Variants in TTN observed in about 807,000 individuals in gnomAD.
The protein encoded by TTN is titin.
Under a neutral mutation model 3,223.0 loss-of-function variants are expected in TTN, and 1,525 were observed. The ratio of observed to expected loss-of-function variants is 0.47; its 90% CI spans 0.45 to 0.49. The LOEUF is 0.49. Ranked by LOEUF, TTN falls within the 20% of genes least tolerant of loss-of-function variation. The pLI, the probability that TTN is intolerant of heterozygous loss-of-function variation, is 0.00. For synonymous variants in TTN, 14,094 were observed against 15,161.0 expected, an observed-to-expected ratio of 0.93 and a Z score of 5.17; for missense variants, 40,786 against 43,424.0, an observed-to-expected ratio of 0.94 and a Z score of 5.40.
chr2:178,597,366 G>A (rs1159700941), intron 294 of TTN, among the ~76,000 whole-genome samples, 172 bp downstream of exon 294: 1 of 151,948 alleles, frequency 6.6e-6, no homozygotes, highest in Non-Finnish European at 1.5e-5. Flanking sequence ...AATACACATA[G>A]AATAAAAAAG....
intron 316 of TTN, 103 bp downstream of exon 316, chr2:178,581,396 C>G: frequency 9.8e-7 from 1 of 1,025,578 alleles, no homozygotes; most frequent in East Asian, 2.7e-5. Context: ...GTTACCAGCT[C>G]TACACCTTGT....
Position 178,598,067 on chromosome 2 carries a change from A to T in TTN, c.57112-9T>A, listed in dbSNP as rs780732560. On this transcript the variant is annotated splice_polypyrimidine_tract_variant and intron_variant, in intron 292 of 362. Transcript: ENST00000589042. ...ACTTCTTTATCTTTACCCTGGGGAG[A>T]AATCATAGACATTTTATAATTAGAA... The T allele has an allele frequency of 1.9e-6, 3 of 1,609,136 alleles. No individual in the cohort carries two copies. In the Admixed American group the frequency reaches 5.1e-5, roughly 27 times the overall value.
chr2:178,689,364 A>C lies in TTN; in HGVS notation c.31937T>G (p.Ile10646Arg), dbSNP rs1402657320. The part of the protein sequence containing the change: ...EESPPPAVPE[I>R]PKKKVPEERK... ...TTCTTCAGGAACTTTCTTCTTTGGT[A>C]TTTCTGGCACTTAAAGGATAGTATT... Residue 10646 changes from isoleucine to arginine, a missense_variant, in exon 124 of 363, where the codon ATA becomes AGA. Coordinates refer to ENST00000589042, the MANE Select transcript of TTN (RefSeq NM_001267550.2). 6.2e-7 allele frequency: 1 copy of C among 1,613,692 alleles called. No individual in the cohort carries two copies. Among genetic ancestry groups the C allele is most frequent in the Non-Finnish European group, 8.5e-7 (1 of 1,179,816 alleles).
Position 178,625,412 on chromosome 2 carries a change from A to G in TTN, c.44425-16T>C, listed in dbSNP as rs2058878823. 6.5e-7 allele frequency: 1 copy of G among 1,541,876 alleles called. No homozygotes were observed. The highest frequency in any genetic ancestry group is 1.4e-5 in the African/African-American group (1 of 70,424). On this transcript the variant is annotated splice_polypyrimidine_tract_variant and intron_variant, in intron 240 of 362. Coordinates refer to ENST00000589042, the MANE Select transcript of TTN (RefSeq NM_001267550.2). ...GTGGGACCACCTAGTTGTTTTTAAA[A>G]AAAGAATACATGAAACAGCAATCTA... is the stretch of plus-strand genomic sequence containing the variant.
In TTN at chr2:178,620,474, G is replaced by A. The variant is rs762831355; in HGVS notation, c.46047C>T (p.Tyr15349=). 15 of 1,612,262 alleles carry A rather than the reference G, an allele frequency of 9.3e-6. No individual in the cohort carries two copies. In the East Asian group the frequency reaches 3.4e-4, roughly 36 times the overall value. Reference sequence around the variant, plus strand: ...ACATGTGCTTGTACTTATCAACTCTGTATGAGACACGGTTGTCAAAAGGCA... The same window carrying A: ...ACATGTGCTTGTACTTATCAACTCTATATGAGACACGGTTGTCAAAAGGCA... The part of the protein sequence containing the change: ...EEVPFDNRVS[Y]RVDKYKHMLT... Residue 15349 remains tyrosine (Y), a synonymous_variant, in exon 248 of 363, where the codon TAC becomes TAT. Coordinates refer to ENST00000589042, the MANE Select transcript of TTN (RefSeq NM_001267550.2).
chr2:178,640,017 T>C, intron 222 of TTN, 31 bp downstream of exon 222: 1 of 1,609,588 alleles, frequency 6.2e-7, no homozygotes, highest in Non-Finnish European at 8.5e-7. Context: ...AGAAAGAATA[T>C]GCTGTTGACA....
At position 178,770,641 on chromosome 2, in the gene TTN, T is replaced by C; in HGVS notation, c.8151A>G (p.Thr2717=). The C allele has an allele frequency of 3.1e-6, 5 of 1,613,856 alleles. No individual in the cohort carries two copies. Among genetic ancestry groups the C allele is most frequent in the Non-Finnish European group, 4.2e-6 (5 of 1,180,000 alleles). ...VKIKKTLKNL[T]VTETQDAVFT... ...AAACAGCATCCTGTGTTTCTGTCAC[T>C]GTGAGGTTCTTCAGAGTCTTCTTAA... is the stretch of plus-strand genomic sequence containing the variant. Residue 2717 remains threonine, a synonymous_variant, in exon 35 of 363, where the codon ACA becomes ACG. Transcript: ENST00000589042.
chr2:178,763,934 A>T (rs1317430460), intron 43 of TTN, among the ~76,000 whole-genome samples: 1 of 151,974 alleles, frequency 6.6e-6, no homozygotes, highest in Non-Finnish European at 1.5e-5. Context: ...AAAAACACTA[A>T]TTTTTTTATT....
chr2:178,748,616 C>G lies in TTN; in HGVS notation c.11311+4508G>C, dbSNP rs188509099. 19 of 1,612,956 alleles carry G rather than the reference C, an allele frequency of 1.2e-5. No individual in the cohort carries two copies. The African/African-American group carries it at 2.4e-4, about 20-fold the overall frequency. On this transcript the variant is annotated intron_variant, in intron 47 of 362. Transcript: ENST00000589042. ...AAAATAAGCTTCTTCTGGTTGACCA[C>G]TATCTAATTCTTGGAATTTCACATC...
At chr2:178,680,386 A>G in intron 138 of TTN, 55 bp from the exon 139 acceptor site, 1 of 1,453,050 alleles carries the variant, frequency 6.9e-7, no homozygotes, top group Non-Finnish European at 9.5e-7. Context: ...CACCCAGCCA[A>G]TGCTTGTTTT....
At position 178,728,651 on chromosome 2, in the gene TTN, T is replaced by G; in HGVS notation, c.19275A>C (p.Ile6425=). 6.2e-7 allele frequency: 1 copy of G among 1,613,406 alleles called. No homozygotes were observed. Among genetic ancestry groups the G allele is most frequent in the Non-Finnish European group, 8.5e-7 (1 of 1,179,588 alleles). ...KVKWLKDGKQ[I]VPSRYFSMSF... Reference sequence around the variant, plus strand: ...TCATTGAAAAGTATCTACTGGGAACTATTTGTTTCCCGTCTTTAAGCCATT... The same window carrying G: ...TCATTGAAAAGTATCTACTGGGAACGATTTGTTTCCCGTCTTTAAGCCATT... The change falls in exon 66 of 363, where the codon ATA becomes ATC. Residue 6425 remains isoleucine (I), a synonymous_variant. Coordinates refer to ENST00000589042, the MANE Select transcript of TTN (RefSeq NM_001267550.2).
At position 178,783,017 on chromosome 2, in the gene TTN, C is replaced by T. The variant is rs1393032636; in HGVS notation, c.2889G>A (p.Glu963=). 3 of 1,613,980 alleles carry T rather than the reference C, an allele frequency of 1.9e-6. No individual in the cohort carries two copies. The African/African-American group carries it at 4.0e-5, about 22-fold the overall frequency. The stretch of plus-strand genomic sequence containing the variant: ...GGGATGGGTATCCAGAGATGTGGCA[C>T]TCCAAGGTGACAGATTCACCTTCTA... ...TVIEGESVTL[E]CHISGYPSPT... is the part of the protein sequence containing the mutation. The change falls in exon 18 of 363, where the codon GAG becomes GAA. Residue 963 remains glutamate, a synonymous_variant. Transcript: ENST00000589042.
chr2:178,729,734 A>C lies in TTN; in HGVS notation c.18519T>G (p.Ser6173Arg), dbSNP rs1452419316. The C allele has an allele frequency of 1.2e-6, 2 of 1,613,724 alleles. No homozygotes were observed. The highest frequency in any genetic ancestry group is 1.7e-6 in the Non-Finnish European group (2 of 1,179,730). Residue 6173 changes from serine (S) to arginine (R), a missense_variant, in exon 63 of 363, where the codon AGT (serine) becomes AGG (arginine). Ser to Arg is a moderately radical substitution (Grantham distance 110). Transcript: ENST00000589042. ...FQISGARVEN[S>R]GTYVCEARND... is the part of the protein sequence containing the mutation. Reference sequence around the variant, plus strand: ...TTCGAGCTTCACACACATAAGTCCCACTATTTTCTACCCTGGCACCAGAAA... The same window carrying C: ...TTCGAGCTTCACACACATAAGTCCCCCTATTTTCTACCCTGGCACCAGAAA...
Position 178,582,380 on chromosome 2 carries a change from A to G in TTN, c.66076T>C (p.Tyr22026His). The G allele has an allele frequency of 6.2e-7, 1 of 1,612,530 alleles. No homozygotes were observed. The change falls in exon 314 of 363, where the codon TAT becomes CAT. Residue 22026 changes from tyrosine (Y) to histidine (H), a missense_variant. Physicochemically the swap from Tyr to His is moderately conservative, Grantham distance 83. Transcript: ENST00000589042. ...SVEKLIEGHE[Y>H]QFRICAENKY... ...TTTTCAGCACAAATACGGAACTGAT[A>G]CTCATGGCCCTCTATAAGTTTCTCC...
In TTN at chr2:178,621,223, A is replaced by C; in HGVS notation, c.45495T>G (p.Tyr15165Ter). The part of the protein sequence containing the change: ...DDKTLESGDK[Y>*]DVIADGKKRV... ...TCTTTTTACCATCAGCAATAACGTC[A>C]TATTTATCTCCAGATTCAAGTGTCT... The change falls in exon 246 of 363, where the codon TAT (tyrosine) becomes TAG (stop). Residue 15165 changes from tyrosine to a stop codon, truncating the protein, a stop_gained. Transcript: ENST00000589042. LOFTEE classifies it high-confidence loss of function. The C allele has an allele frequency of 6.2e-7, 1 of 1,612,308 alleles. No individual in the cohort carries two copies. The highest frequency in any genetic ancestry group is 8.5e-7 in the Non-Finnish European group (1 of 1,179,098).
chr2:178,705,321 CTCT>C lies in TTN; in HGVS notation c.29454_29456del (p.Glu9820del), dbSNP rs377232641. ...TGAGAAGTTCCATGATATCAATTTC[CTCT>C]TCTTCTCCAGCTCCTTTCTTTAAGA... On this transcript the variant is annotated inframe_deletion, in exon 103 of 363. Coordinates refer to ENST00000589042, the MANE Select transcript of TTN (RefSeq NM_001267550.2). 31 of 1,607,524 alleles carry C rather than the reference CTCT, an allele frequency of 1.9e-5. No individual in the cohort carries two copies. The Admixed American group carries it at 2.2e-4, about 11-fold the overall frequency.
Position 178,582,091 on chromosome 2 carries a change from T to A in TTN, c.66278A>T (p.Glu22093Val). The change falls in exon 315 of 363, where the codon GAA becomes GTA. Residue 22093 changes from glutamate (E) to valine (V), a missense_variant. Glu to Val is a moderately radical substitution (Grantham distance 121, BLOSUM62 -2). Transcript: ENST00000589042. ...GGSPITGYLL[E>V]KRETQAVNWT... is the part of the protein sequence containing the mutation. ...GTTAACAGCCTGGGTTTCCCGCTTT[T>A]CAAGCAAATAGCCAGTGATGGGTGA... is the stretch of plus-strand genomic sequence containing the variant. 2 of 1,613,196 alleles carry A rather than the reference T, an allele frequency of 1.2e-6. No homozygotes were observed. The highest frequency in any genetic ancestry group is 1.7e-6 in the Non-Finnish European group (2 of 1,179,524).
chr2:178,635,383 A>T (rs891202869), intron 227 of TTN, 57 bp downstream of exon 227: 1 of 1,605,742 alleles, frequency 6.2e-7, no homozygotes, highest in African/African-American at 1.3e-5. Context: ...TTGGTGTGTT[A>T]TTTGGCTTTA....
intron 269 of TTN, 24 bp from the exon 270 acceptor site, chr2:178,611,295 C>G: frequency 6.2e-7 from 1 of 1,606,784 alleles, no homozygotes; most frequent in Non-Finnish European, 8.5e-7. Flanking sequence ...TTCAAAAGAG[C>G]AAAAAACAGA....
Sources: gnomAD v4.1 joint callset for allele counts (sites outside exome capture counted in the v4.1 genomes callset) on GRCh38, gnomAD v4.1.1 for gene constraint, MANE v1.5 for transcripts, NCBI Gene and HGNC (gene_info 2026-07-23, HGNC 2026-07-21) for gene names.